Variants in GRM8 observed in about 807,000 individuals in gnomAD.
GRM8 encodes metabotropic glutamate receptor 8.
A neutral mutation model predicts 87.2 loss-of-function variants in GRM8; 47 were observed. That is an observed-to-expected ratio of 0.54 (90% CI 0.43 to 0.69). The LOEUF is 0.69. Ranked by LOEUF, GRM8 falls within the 30% of genes least tolerant of loss-of-function variation. The probability of loss-of-function intolerance (pLI) is 0.00; values close to 1 mark genes in which losing one functional copy is unlikely to be tolerated. For missense variants in GRM8, 1,019 were observed against 1,139.2 expected (o/e 0.89, Z 1.52); for synonymous variants, 396 against 404.5 (o/e 0.98, Z 0.25).
At chr7:126,946,148 G>T (rs1807511450) in intron 3 of GRM8, among the ~76,000 whole-genome samples, 1 of 152,210 alleles carries the variant, frequency 6.6e-6, no homozygotes, top group African/African-American at 2.4e-5. Context: ...TAGGTCTCAA[G>T]AGACTGTCAT....
chr7:126,794,144 T>G (rs1265932536), intron 6 of GRM8, among the ~76,000 whole-genome samples: 1 of 152,092 alleles, frequency 6.6e-6, no homozygotes, highest in South Asian at 2.1e-4. Flanking sequence ...CTTTGCTCTA[T>G]TACTGAAACC....
intron 7 of GRM8, among the ~76,000 whole-genome samples, chr7:126,662,369 T>C (rs1051355878): frequency 7.2e-5 from 11 of 152,150 alleles, no homozygotes; most frequent in Admixed American, 7.2e-4. Flanking sequence ...ACATTAGCTT[T>C]AATCAGATGA....
intron 3 of GRM8, among the ~76,000 whole-genome samples, chr7:126,922,401 A>G (rs1804622859): frequency 6.6e-6 from 1 of 151,320 alleles, no homozygotes; most frequent in African/African-American, 2.4e-5. Context: ...CTTCCGTAGT[A>G]GACAATCAAA....
intron 6 of GRM8, among the ~76,000 whole-genome samples, chr7:126,796,303 T>C (rs1821942869): frequency 6.6e-6 from 1 of 152,060 alleles, no homozygotes; most frequent in South Asian, 2.1e-4. Flanking sequence ...TATCATATCA[T>C]ATCAAACACT....
intron 8 of GRM8, among the ~76,000 whole-genome samples, chr7:126,553,568 G>A (rs181313419): frequency 1.1e-4 from 16 of 152,138 alleles, no homozygotes; most frequent in African/African-American, 3.6e-4. Flanking sequence ...TGCTTGGGGT[G>A]GATTATAACC....
chr7:127,037,484 G>C (rs1212062585), intron 3 of GRM8, among the ~76,000 whole-genome samples: 1 of 152,202 alleles, frequency 6.6e-6, no homozygotes, highest in African/African-American at 2.4e-5. Flanking sequence ...GTGACATGCT[G>C]GTCCCTCTTG....
chr7:127,107,426 C>A (rs760342197), intron 2 of GRM8, among the ~76,000 whole-genome samples: 1 of 152,040 alleles, frequency 6.6e-6, no homozygotes, highest in Admixed American at 6.5e-5. Context: ...GCCAGAAATT[C>A]TTTGAAATGA....
At chr7:126,847,284 T>G (rs1796786128) in intron 6 of GRM8, among the ~76,000 whole-genome samples, 1 of 152,194 alleles carries the variant, frequency 6.6e-6, no homozygotes, top group Non-Finnish European at 1.5e-5. Context: ...AGACTTATTC[T>G]TATCACCTTG....
intron 2 of GRM8, among the ~76,000 whole-genome samples, chr7:127,108,400 C>A (rs926391001): frequency 6.6e-6 from 1 of 152,122 alleles, no homozygotes; most frequent in Admixed American, 6.6e-5. Flanking sequence ...AGTCAGCCAT[C>A]TGACTTTCAC....
intron 7 of GRM8, among the ~76,000 whole-genome samples, chr7:126,681,156 G>A (rs953840503): frequency 1.3e-5 from 2 of 152,122 alleles, no homozygotes; most frequent in African/African-American, 2.4e-5. Context: ...CCCATTTTCT[G>A]CATACTCATT....
rs144197376 is a variant in GRM8, at chr7:127,138,270, T to C, written c.511-31558A>G. Reference sequence around the variant, plus strand: ...TGCATTCTTTTAAAATTTTTTTTTGTTAATTTCATATAATTGGGCCAGTAT... The same window carrying C: ...TGCATTCTTTTAAAATTTTTTTTTGCTAATTTCATATAATTGGGCCAGTAT... On this transcript the variant is annotated intron_variant, in intron 2 of 10. Coordinates refer to ENST00000339582, the MANE Select transcript of GRM8 (RefSeq NM_000845.3). Among the ~76,000 whole-genome samples the C allele has an allele frequency of 7.3e-4, 111 of 152,264 alleles. 3 individuals are homozygous for C. In the East Asian group the frequency reaches 0.016, roughly 22 times the overall value.
At chr7:127,232,691 T>C (rs1051407705) in intron 2 of GRM8, among the ~76,000 whole-genome samples, 2 of 152,374 alleles carry the variant, frequency 1.3e-5, no homozygotes, top group East Asian at 3.9e-4. Flanking sequence ...ATAGCAGATG[T>C]AAATATCTTC....
intron 9 of GRM8, among the ~76,000 whole-genome samples, chr7:126,528,735 G>C (rs1397776563): frequency 6.6e-6 from 1 of 151,936 alleles, no homozygotes; most frequent in Non-Finnish European, 1.5e-5. Flanking sequence ...AACAGGGCTG[G>C]GGGTGATGGC....
chr7:126,842,029 G>T (rs990545961), intron 6 of GRM8, among the ~76,000 whole-genome samples: 1 of 152,146 alleles, frequency 6.6e-6, no homozygotes, highest in African/African-American at 2.4e-5. Flanking sequence ...GAAAAAGTTA[G>T]ATATGATCAA....
intron 2 of GRM8, among the ~76,000 whole-genome samples, chr7:127,180,171 T>C (rs1294779877): frequency 6.6e-6 from 1 of 151,918 alleles, no homozygotes; most frequent in Non-Finnish European, 1.5e-5. Flanking sequence ...CAGGAGATAT[T>C]ACAACTGACA....
intron 6 of GRM8, among the ~76,000 whole-genome samples, chr7:126,887,842 A>G (rs947106075): frequency 2.0e-5 from 3 of 152,208 alleles, no homozygotes; most frequent in African/African-American, 7.2e-5. Context: ...TCCCACAAAG[A>G]AATCAGTCAC....
chr7:126,478,105 T>C (rs115710613), intron 9 of GRM8, among the ~76,000 whole-genome samples: 1,976 of 152,254 alleles, frequency 0.013, 41 homozygotes, highest in African/African-American at 0.046. Context: ...ACTTTAGATC[T>C]GCTAAGGCCC....
chr7:126,593,685 T>C (rs975610850), intron 8 of GRM8, among the ~76,000 whole-genome samples: 1 of 152,018 alleles, frequency 6.6e-6, no homozygotes, highest in Non-Finnish European at 1.5e-5. Context: ...GACATAGGTC[T>C]AAGTAATGAC....
intron 7 of GRM8, among the ~76,000 whole-genome samples, chr7:126,689,917 G>A (rs1488492445): frequency 6.6e-6 from 1 of 152,120 alleles, no homozygotes; most frequent in Non-Finnish European, 1.5e-5. Flanking sequence ...GGCGGGGAGG[G>A]TCTGTTTTCC....
Sources: gnomAD v4.1 joint callset for allele counts (sites outside exome capture counted in the v4.1 genomes callset) on GRCh38, gnomAD v4.1.1 for gene constraint, MANE v1.5 for transcripts, NCBI Gene and HGNC (gene_info 2026-07-23, HGNC 2026-07-21) for gene names.